The following SRP68 variants were observed in gnomAD, a reference collection of about 807,000 sequenced individuals.
SRP68 encodes the protein signal recognition particle subunit SRP68.
A neutral mutation model predicts 82.2 loss-of-function variants in SRP68; 15 were observed. The ratio of observed to expected loss-of-function variants is 0.18; its 90% CI spans 0.12 to 0.28. The LOEUF (loss-of-function observed/expected upper bound fraction) is 0.28. Ranked by LOEUF, SRP68 falls within the 10% of genes least tolerant of loss-of-function variation. SRP68 has a pLI of 1.00. For missense variants in SRP68, 595 were observed against 780.5 expected (o/e 0.76, Z 2.83); for synonymous variants, 261 against 292.6 (o/e 0.89, Z 1.10).
intron 2 of SRP68, among the ~76,000 whole-genome samples, chr17:76,068,248 C>A (rs192576122): frequency 2.0e-5 from 3 of 151,644 alleles, no homozygotes; most frequent in Admixed American, 1.3e-4. Context: ...GCCAAGATTG[C>A]GCCATTGCAC....
chr17:76,040,327 A>T, intron 15 of SRP68, 92 bp downstream of exon 15: 1 of 1,289,058 alleles, frequency 7.8e-7, no homozygotes, highest in Non-Finnish European at 1.1e-6. Flanking sequence ...TTTCCTTAGA[A>T]ATTTAGGGTC....
chr17:76,046,590 C>T (rs2665979), intron 10 of SRP68, among the ~76,000 whole-genome samples: 83,100 of 150,608 alleles, frequency 0.55, 26,009 homozygotes, highest in African/African-American at 0.86. Context: ...CACTCCAGCC[C>T]GAGTAATAGA....
Position 76,043,849 on chromosome 17 carries a change from C to A in SRP68, c.1504G>T (p.Ala502Ser). 1.9e-6 allele frequency: 3 copies of A among 1,603,344 alleles called. No individual in the cohort carries two copies. The highest frequency in any genetic ancestry group is 2.5e-6 in the Non-Finnish European group (3 of 1,177,106). ...CTCACCTTTAGGCTGTTCTTGAAGG[C>A]GCCAGCATCAGAATTTACTTCATTT... Reference protein sequence around the residue: ...YANEVNSDAGAFKNSLKDLPD... With the variant: ...YANEVNSDAGSFKNSLKDLPD... The change falls in exon 13 of 16, where the codon GCC (alanine) becomes TCC (serine). Residue 502 changes from alanine (A) to serine (S), a missense_variant. Ala to Ser is a moderately conservative substitution (Grantham distance 99, BLOSUM62 1). Coordinates refer to ENST00000307877, the MANE Select transcript of SRP68 (RefSeq NM_014230.4).
chr17:76,050,787 G>T (rs1040004151), intron 8 of SRP68, among the ~76,000 whole-genome samples: 30 of 135,050 alleles, frequency 2.2e-4, no homozygotes, highest in Non-Finnish European at 1.4e-4. Context: ...ACTGATCTGA[G>T]ACTTAGCAAA....
chr17:76,045,486 A>AG, intron 11 of SRP68, 100 bp from the exon 12 acceptor site: 1 of 911,644 alleles, frequency 1.1e-6, no homozygotes, highest in Non-Finnish European at 1.7e-6. Flanking sequence ...AGGAAAAAAA[A>AG]AAGCCCGAGG....
intron 10 of SRP68, among the ~76,000 whole-genome samples, 186 bp downstream of exon 10, chr17:76,047,720 T>C (rs1361212232): frequency 6.6e-6 from 1 of 151,972 alleles, no homozygotes; most frequent in Non-Finnish European, 1.5e-5. Flanking sequence ...GCCCAGGCCA[T>C]TGAGGCTGCA....
At chr17:76,063,000 G>T (rs2066780528) in intron 4 of SRP68, among the ~76,000 whole-genome samples, 1 of 151,002 alleles carries the variant, frequency 6.6e-6, no homozygotes, top group Non-Finnish European at 1.5e-5. Context: ...TCGATCTCCT[G>T]ACTTTGTGAT....
At chr17:76,066,719 T>C (rs190030112) in intron 3 of SRP68, among the ~76,000 whole-genome samples, 17 of 149,016 alleles carry the variant, frequency 1.1e-4, no homozygotes, top group African/African-American at 4.0e-4. Flanking sequence ...AGACAGTGAA[T>C]CTCACCCCCT....
At chr17:76,041,891 G>A (rs370149146) in intron 13 of SRP68, among the ~76,000 whole-genome samples, 1 of 151,420 alleles carries the variant, frequency 6.6e-6, no homozygotes. Context: ...ACCTTTGCTT[G>A]CTTTTTTTTT....
intron 8 of SRP68, chr17:76,053,543 TA>T: frequency 1.0e-6 from 1 of 985,396 alleles, no homozygotes; most frequent in East Asian, 1.1e-4. Flanking sequence ...TCCCTTTAAC[TA>T]AGCCTCTGCA....
chr17:76,053,466 C>T, intron 8 of SRP68: 5 of 985,346 alleles, frequency 5.1e-6, no homozygotes, highest in Non-Finnish European at 4.8e-6. Context: ...ACAGGATTTG[C>T]CTCTTTTCCT....
chr17:76,063,575 C>T (rs2066785124), intron 4 of SRP68, among the ~76,000 whole-genome samples: 1 of 151,844 alleles, frequency 6.6e-6, no homozygotes, highest in African/African-American at 2.4e-5. Context: ...ATAATCCCAC[C>T]TACTCGGGAG....
At chr17:76,052,980 C>T (rs990455327) in intron 8 of SRP68, among the ~76,000 whole-genome samples, 9 of 146,322 alleles carry the variant, frequency 6.2e-5, no homozygotes, top group African/African-American at 2.0e-4. Context: ...ACACACATGG[C>T]GTCGGACGCG....
chr17:76,040,270 T>C (rs2066579238), intron 15 of SRP68, 149 bp downstream of exon 15: 2 of 774,306 alleles, frequency 2.6e-6, no homozygotes, highest in East Asian at 2.6e-5. Context: ...GGAAGCTTTA[T>C]GCAAGAAGCT....
At chr17:76,046,313 A>T in intron 10 of SRP68, 119 bp from the exon 11 acceptor site, 2 of 1,155,298 alleles carry the variant, frequency 1.7e-6, no homozygotes. Context: ...GCGTGGCCAC[A>T]GCAGGGCCAT....
rs563434130 is a variant in SRP68, at chr17:76,057,988, T to C, written c.838-445A>G. Reference sequence around the variant, plus strand: ...CTGTGCCAGGCCTCTTTAATTTTTTTAGTAGACAGGGTCTTGCTCTGTTGC... The same window carrying C: ...CTGTGCCAGGCCTCTTTAATTTTTTCAGTAGACAGGGTCTTGCTCTGTTGC... On this transcript the variant is annotated intron_variant, in intron 7 of 15. Transcript: ENST00000307877. Among the ~76,000 whole-genome samples, 10 of 151,586 alleles carry C rather than the reference T, an allele frequency of 6.6e-5. No homozygotes were observed. The South Asian group carries it at 1.3e-3, about 19-fold the overall frequency.
At chr17:76,052,632 G>A (rs184805966) in intron 8 of SRP68, among the ~76,000 whole-genome samples, 2 of 151,320 alleles carry the variant, frequency 1.3e-5, no homozygotes, top group African/African-American at 2.4e-5. Flanking sequence ...ATGAAACCCC[G>A]TCTCTACTAA....
intron 4 of SRP68, among the ~76,000 whole-genome samples, chr17:76,062,631 ATATAT>A (rs1432919894): frequency 5.9e-4 from 48 of 81,922 alleles, no homozygotes; most frequent in Non-Finnish European, 9.3e-4. Flanking sequence ...AATATACATT[ATATAT>A]TATATAATAT....
At chr17:76,062,740 T>TATATATATATATATATATAAA (rs1555629414) in intron 4 of SRP68, among the ~76,000 whole-genome samples, 2 of 21,906 alleles carry the variant, frequency 9.1e-5, no homozygotes, top group Non-Finnish European at 7.2e-5. Context: ...TATATATATA[T>TATATATATATATATATATAAA]ATATATATAT....
Sources: gnomAD v4.1 joint callset for allele counts (sites outside exome capture counted in the v4.1 genomes callset) on GRCh38, gnomAD v4.1.1 for gene constraint, MANE v1.5 for transcripts, NCBI Gene and HGNC (gene_info 2026-07-23, HGNC 2026-07-21) for gene names.